RIT2: variants seen among roughly 807,000 people sequenced by gnomAD.
RIT2 encodes GTP-binding protein Rit2.
In RIT2, 24 loss-of-function variants were observed where a neutral mutation model predicts 23.7. The observed-to-expected ratio is 1.01, with a 90% CI of 0.73 to 1.43. The LOEUF (loss-of-function observed/expected upper bound fraction) is 1.43. Among genes scored for constraint, RIT2 ranks in the 40% most tolerant of loss-of-function variants. The probability of loss-of-function intolerance (pLI) is 0.00; values close to 1 mark genes in which losing one functional copy is unlikely to be tolerated. For synonymous variants in RIT2, 107 were observed against 91.1 expected, an observed-to-expected ratio of 1.17 and a Z score of -0.99; for missense variants, 236 against 266.9, an observed-to-expected ratio of 0.88 and a Z score of 0.81.
chr18:43,045,946 G>A (rs1912237291), intron 1 of RIT2, among the ~76,000 whole-genome samples: 1 of 151,988 alleles, frequency 6.6e-6, no homozygotes, highest in African/African-American at 2.4e-5. Context: ...GGTAATAATG[G>A]TGATAATCTT....
chr18:43,068,840 T>C (rs1912835155), intron 1 of RIT2, among the ~76,000 whole-genome samples: 1 of 152,160 alleles, frequency 6.6e-6, no homozygotes, highest in African/African-American at 2.4e-5. Context: ...TGGCACAGTT[T>C]ACATGTTTGT....
intron 4 of RIT2, among the ~76,000 whole-genome samples, chr18:42,765,920 G>A (rs2143907394): frequency 1.3e-5 from 2 of 152,052 alleles, no homozygotes; most frequent in Middle Eastern, 6.8e-3. Flanking sequence ...GCTTATCGGG[G>A]GTTCCATTTT....
chr18:42,885,343 T>C (rs1309721697), intron 4 of RIT2, among the ~76,000 whole-genome samples: 1 of 152,350 alleles, frequency 6.6e-6, no homozygotes, highest in Middle Eastern at 3.4e-3. Flanking sequence ...CCCAGCACTT[T>C]GGGAGGCCAA....
chr18:43,032,362 A>C (rs1385433908), intron 2 of RIT2, among the ~76,000 whole-genome samples: 1 of 152,104 alleles, frequency 6.6e-6, no homozygotes. Flanking sequence ...TTGAGACACC[A>C]ATACATACAA....
intron 1 of RIT2, among the ~76,000 whole-genome samples, chr18:43,045,732 C>T (rs965624144): frequency 8.5e-5 from 13 of 152,060 alleles, no homozygotes; most frequent in Non-Finnish European, 1.2e-4. Context: ...TATCTTTTTA[C>T]CTCCTGCCTG....
intron 3 of RIT2, among the ~76,000 whole-genome samples, chr18:42,938,035 G>A (rs1331351779): frequency 6.6e-6 from 1 of 152,042 alleles, no homozygotes; most frequent in East Asian, 1.9e-4. Flanking sequence ...ATAAATAGAA[G>A]GATATTCAAA....
At chr18:42,815,076 C>T (rs1905957450) in intron 4 of RIT2, among the ~76,000 whole-genome samples, 1 of 152,122 alleles carries the variant, frequency 6.6e-6, no homozygotes, top group African/African-American at 2.4e-5. Context: ...ATAGAAGGAA[C>T]CAGAAAACCA....
At chr18:42,912,629 G>T (rs1019918417) in intron 4 of RIT2, among the ~76,000 whole-genome samples, 6 of 151,806 alleles carry the variant, frequency 4.0e-5, no homozygotes, top group African/African-American at 1.2e-4. Context: ...TCAACATACA[G>T]ATAAGAAATA....
intron 3 of RIT2, among the ~76,000 whole-genome samples, chr18:42,945,512 G>A (rs1467322078): frequency 2.0e-5 from 3 of 152,140 alleles, no homozygotes; most frequent in South Asian, 2.1e-4. Flanking sequence ...GAATGTGTGC[G>A]AATTTGGTAT....
In RIT2 at chr18:43,006,921, T is replaced by A. The variant is rs143795145; in HGVS notation, c.160+26890A>T. 1.1e-3 allele frequency among the ~76,000 whole-genome samples: 171 copies of A among 151,564 alleles called. 1 individual carries two copies. The Middle Eastern group carries it at 0.017, about 15-fold the overall frequency. On this transcript the variant is annotated intron_variant, in intron 2 of 4. Coordinates refer to ENST00000326695, the MANE Select transcript of RIT2 (RefSeq NM_002930.4). ...TTAAGAGAATGCTTTATACAATTAT[T>A]GGACTTGATAGAAAAACCAAAAAGA...
chr18:42,809,170 T>A lies in RIT2; in HGVS notation c.427-65450A>T, dbSNP rs183574347. ...TGACTATATTGTGTTTTGAAAATCA[T>A]CTGATTTGAGTCATAAAATTTTAGT... is the stretch of plus-strand genomic sequence containing the variant. On this transcript the variant is annotated intron_variant, in intron 4 of 4. Transcript: ENST00000326695. 8.5e-5 allele frequency among the ~76,000 whole-genome samples: 13 copies of A among 152,274 alleles called. No individual in the cohort carries two copies. The East Asian group carries it at 2.5e-3, about 29-fold the overall frequency.
chr18:42,992,040 C>T (rs1324467494), intron 2 of RIT2, among the ~76,000 whole-genome samples: 1 of 151,952 alleles, frequency 6.6e-6, no homozygotes, highest in African/African-American at 2.4e-5. Context: ...CACGCCTCAA[C>T]CCCTTTCCCA....
chr18:42,975,901 T>A (rs1417146819), intron 2 of RIT2, among the ~76,000 whole-genome samples: 1 of 152,114 alleles, frequency 6.6e-6, no homozygotes, highest in Non-Finnish European at 1.5e-5. Context: ...TATTTTAATG[T>A]AAGCATCTAC....
chr18:43,004,784 AT>A (rs758799884), intron 2 of RIT2, among the ~76,000 whole-genome samples: 14 of 151,790 alleles, frequency 9.2e-5, no homozygotes, highest in Non-Finnish European at 1.9e-4. Context: ...TTTCTGTAAG[AT>A]TTTCACATTG....
intron 2 of RIT2, among the ~76,000 whole-genome samples, chr18:43,013,988 T>C (rs961990850): frequency 6.6e-6 from 1 of 151,766 alleles, no homozygotes; most frequent in Non-Finnish European, 1.5e-5. Context: ...TAAGTAAAAT[T>C]GAGTTTCTTT....
At chr18:42,810,249 G>T (rs1420322310) in intron 4 of RIT2, among the ~76,000 whole-genome samples, 1 of 151,226 alleles carries the variant, frequency 6.6e-6, no homozygotes, top group Non-Finnish European at 1.5e-5. Context: ...CATTGTTATG[G>T]GCTATTACAA....
chr18:42,768,153 A>G (rs1209668168), intron 4 of RIT2, among the ~76,000 whole-genome samples: 2 of 152,174 alleles, frequency 1.3e-5, no homozygotes, highest in African/African-American at 4.8e-5. Context: ...TTTACTTATC[A>G]TTATAGATTT....
At chr18:42,986,024 T>C (rs1264342007) in intron 2 of RIT2, among the ~76,000 whole-genome samples, 1 of 151,492 alleles carries the variant, frequency 6.6e-6, no homozygotes, top group African/African-American at 2.4e-5. Context: ...ATCCAGAATA[T>C]GTATGGTTTT....
At chr18:42,746,145 A>G (rs1166742370) in intron 4 of RIT2, among the ~76,000 whole-genome samples, 1 of 152,130 alleles carries the variant, frequency 6.6e-6, no homozygotes, top group Non-Finnish European at 1.5e-5. Flanking sequence ...CCCATAATAT[A>G]GAGCAGATGC....
Sources: allele counts gnomAD v4.1 joint callset (sites outside exome capture counted in the v4.1 genomes callset), GRCh38; gene constraint gnomAD v4.1.1; transcripts MANE v1.5; gene names NCBI Gene and HGNC (gene_info 2026-07-23, HGNC 2026-07-21).